The following DPP6 variants were observed in gnomAD, a reference collection of about 807,000 sequenced individuals.
The protein encoded by DPP6 is dipeptidyl peptidase like 6, also known as A-type potassium channel modulatory protein DPP6.
A neutral mutation model predicts 122.6 loss-of-function variants in DPP6; 69 were observed. The ratio of observed to expected loss-of-function variants is 0.56; its 90% confidence interval spans 0.46 to 0.69. DPP6 has a LOEUF of 0.69. DPP6 is among the 30% of genes least tolerant of loss of function. The pLI, the probability that DPP6 is intolerant of heterozygous loss-of-function variation, is 0.00. For synonymous variants in DPP6, 418 were observed against 433.1 expected, an observed-to-expected ratio of 0.97 and a Z score of 0.43; for missense variants, 928 against 1,116.9, an observed-to-expected ratio of 0.83 and a Z score of 2.41.
chr7:154,127,616 C>CAG (rs199884193), intron 1 of DPP6, among the ~76,000 whole-genome samples: 224 of 113,076 alleles, frequency 2.0e-3, no homozygotes, highest in South Asian at 0.019. Flanking sequence ...CACACACACA[C>CAG]ACACACACAC....
intron 21 of DPP6, among the ~76,000 whole-genome samples, chr7:154,883,358 A>T (rs923907272): frequency 6.8e-6 from 1 of 146,982 alleles, no homozygotes; most frequent in Non-Finnish European, 1.5e-5. Context: ...ATACACACAC[A>T]TGCTCACACA....
chr7:154,278,980 T>A (rs1585812995), intron 1 of DPP6, among the ~76,000 whole-genome samples: 1 of 152,084 alleles, frequency 6.6e-6, no homozygotes, highest in East Asian at 1.9e-4. Context: ...TGTATATATG[T>A]GTGTGTGCAG....
intron 1 of DPP6, among the ~76,000 whole-genome samples, chr7:154,427,257 A>C (rs866165133): frequency 6.6e-6 from 1 of 152,354 alleles, no homozygotes. Context: ...GTATTCACAA[A>C]ATAGTTTTGA....
intron 1 of DPP6, among the ~76,000 whole-genome samples, chr7:154,312,508 C>CT (rs1404287995): frequency 6.6e-6 from 1 of 152,230 alleles, no homozygotes; most frequent in East Asian, 1.9e-4. Flanking sequence ...TCAAGAAAAA[C>CT]TGCTTTCCCC....
chr7:154,383,798 G>A (rs915536611), intron 1 of DPP6, among the ~76,000 whole-genome samples: 2 of 149,514 alleles, frequency 1.3e-5, no homozygotes, highest in African/African-American at 4.9e-5. Context: ...GCTGAGGCAT[G>A]AGAATCGCTT....
the DPP6 span, among the ~76,000 whole-genome samples, chr7:153,849,920 C>CA: frequency 6.6e-6 from 1 of 152,124 alleles, no homozygotes; most frequent in Non-Finnish European, 1.5e-5. Context: ...GTATTCTGTG[C>CA]ACAAGAATCC....
chr7:154,438,432 T>A (rs929367248), intron 1 of DPP6, among the ~76,000 whole-genome samples: 1 of 115,076 alleles, frequency 8.7e-6, no homozygotes. Flanking sequence ...ATAGCACCAC[T>A]GCACTCCAGC....
chr7:154,343,149 G>T (rs1039838730), intron 1 of DPP6, among the ~76,000 whole-genome samples: 1 of 152,220 alleles, frequency 6.6e-6, no homozygotes, highest in Non-Finnish European at 1.5e-5. Flanking sequence ...GAAGGGAACT[G>T]CTGCTTCCGT....
chr7:154,000,020 A>G (rs1206884747), intron 1 of DPP6, among the ~76,000 whole-genome samples: 1 of 152,172 alleles, frequency 6.6e-6, no homozygotes, highest in Non-Finnish European at 1.5e-5. Context: ...GAAAATTTAT[A>G]TATAAGATAG....
intron 1 of DPP6, among the ~76,000 whole-genome samples, chr7:154,010,284 G>A (rs903164127): frequency 6.6e-6 from 1 of 152,290 alleles, no homozygotes; most frequent in Middle Eastern, 3.4e-3. Context: ...ATGTGCATAC[G>A]ACTTTCATCT....
intron 1 of DPP6, among the ~76,000 whole-genome samples, chr7:154,258,023 A>C (rs2150908456): frequency 6.6e-6 from 1 of 152,256 alleles, no homozygotes; most frequent in South Asian, 2.1e-4. Context: ...CCAATGCAGT[A>C]GTTTTAAAGC....
chr7:154,494,666 T>C (rs1824570433), intron 3 of DPP6, among the ~76,000 whole-genome samples: 1 of 152,154 alleles, frequency 6.6e-6, no homozygotes, highest in Non-Finnish European at 1.5e-5. Context: ...ATTTCCCTGA[T>C]ACCTCATTAC....
intron 21 of DPP6, among the ~76,000 whole-genome samples, chr7:154,883,140 C>T (rs1805557023): frequency 1.3e-5 from 2 of 151,328 alleles, no homozygotes; most frequent in African/African-American, 4.9e-5. Context: ...CACACACATG[C>T]TCACCCATAC....
chr7:154,353,375 A>C (rs1052020705), intron 1 of DPP6, among the ~76,000 whole-genome samples: 1 of 152,200 alleles, frequency 6.6e-6, no homozygotes, highest in African/African-American at 2.4e-5. Context: ...AGACGTGCCC[A>C]GTATAGCGAG....
chr7:154,783,776 C>T (rs757021236), intron 10 of DPP6, among the ~76,000 whole-genome samples: 2 of 152,174 alleles, frequency 1.3e-5, no homozygotes, highest in Non-Finnish European at 2.9e-5. Flanking sequence ...GCACTTCCTT[C>T]TCCTTGCTCT....
chr7:154,695,233 C>A (rs1459891470), intron 7 of DPP6, among the ~76,000 whole-genome samples: 1 of 152,130 alleles, frequency 6.6e-6, no homozygotes, highest in African/African-American at 2.4e-5. Context: ...GCCTCGGCCC[C>A]CGGGTACCTG....
intron 5 of DPP6, among the ~76,000 whole-genome samples, chr7:154,579,313 C>T (rs1172864074): frequency 6.6e-6 from 1 of 152,062 alleles, no homozygotes. Context: ...TGTGCCACTG[C>T]ACTACCGCCT....
chr7:154,876,627 CTA>C (rs2150657560), intron 20 of DPP6, among the ~76,000 whole-genome samples: 1 of 152,300 alleles, frequency 6.6e-6, no homozygotes, highest in East Asian at 1.9e-4. Context: ...CTGTGCATCC[CTA>C]TCACTGACTC....
the DPP6 span, among the ~76,000 whole-genome samples, chr7:153,792,194 G>A: frequency 0.038 from 4,709 of 125,354 alleles, no homozygotes; most frequent in African/African-American, 0.12. Context: ...TTCCTATGTT[G>A]ATGTTCACTG....
Sources: gnomAD v4.1 joint callset for allele counts (sites outside exome capture counted in the v4.1 genomes callset) on GRCh38, gnomAD v4.1.1 for gene constraint, MANE v1.5 for transcripts, NCBI Gene and HGNC (gene_info 2026-07-23, HGNC 2026-07-21) for gene names.